The following UTS2B variants were observed in gnomAD, a reference collection of about 807,000 sequenced individuals.
The protein encoded by UTS2B is urotensin 2B, also known as urotensin-2B.
In UTS2B, 21 loss-of-function variants were observed where a neutral mutation model predicts 19.2. The observed-to-expected ratio is 1.09, with a 90% CI of 0.78 to 1.58. The LOEUF (loss-of-function observed/expected upper bound fraction) is 1.58. UTS2B is among the 40% of genes most tolerant of loss of function. The probability of loss-of-function intolerance (pLI) is 0.00; values close to 1 mark genes in which losing one functional copy is unlikely to be tolerated. For missense variants in UTS2B, 138 were observed against 130.3 expected (o/e 1.06, Z -0.29); for synonymous variants, 57 against 50.2 (o/e 1.14, Z -0.58).
chr3:191,315,173 C>T, intron 3 of UTS2B, among the ~76,000 whole-genome samples: 1 of 152,056 alleles, frequency 6.6e-6, no homozygotes, highest in Non-Finnish European at 1.5e-5. Context: ...CCACCATGCC[C>T]AGACAATTTT....
rs114855380 is a variant in UTS2B, at chr3:191,316,601, C to T, written c.-585-162G>A. ...GCTGATTGGTCCGTTTTACAAAGAG[C>T]GGATTGGTCCATTTTGACAGGGTAC... is the stretch of plus-strand genomic sequence containing the variant. On this transcript the variant is annotated intron_variant, in intron 2 of 8. Transcript: ENST00000340524. Among the ~76,000 whole-genome samples the T allele has an allele frequency of 5.9e-3, 897 of 152,312 alleles. 8 individuals are homozygous for T. Among genetic ancestry groups the T allele is most frequent in the African/African-American group, 0.02 (827 of 41,568 alleles).
intron 4 of UTS2B, among the ~76,000 whole-genome samples, chr3:191,284,137 A>G (rs1716466890): frequency 1.3e-5 from 2 of 152,168 alleles, no homozygotes; most frequent in African/African-American, 4.8e-5. Flanking sequence ...ACTGTATTAA[A>G]GACATATGCA....
intron 4 of UTS2B, among the ~76,000 whole-genome samples, chr3:191,303,625 G>A (rs886385093): frequency 2.0e-5 from 3 of 151,880 alleles, no homozygotes; most frequent in Admixed American, 2.0e-4. Flanking sequence ...CATTCAAGAA[G>A]TTGTGTTCCT....
intron 4 of UTS2B, among the ~76,000 whole-genome samples, chr3:191,298,696 G>A (rs1716919477): frequency 6.6e-6 from 1 of 152,198 alleles, no homozygotes; most frequent in Non-Finnish European, 1.5e-5. Context: ...ACCTGAAAAT[G>A]TGGAAGCAGC....
chr3:191,345,292 C>T, the UTS2B span, among the ~76,000 whole-genome samples: 6 of 152,180 alleles, frequency 3.9e-5, no homozygotes, highest in African/African-American at 1.4e-4. Flanking sequence ...ACACAGGAAG[C>T]TTATGAGGTT....
Position 191,311,421 on chromosome 3 carries a change from A to G in UTS2B, c.-182+4615T>C, listed in dbSNP as rs545563138. 2.6e-5 allele frequency among the ~76,000 whole-genome samples: 4 copies of G among 152,346 alleles called. No individual in the cohort carries two copies. The South Asian group carries it at 8.3e-4, about 32-fold the overall frequency. Reference sequence around the variant, plus strand: ...CCAAAGTGGCATTCAGAGCAGATTGATATCTCTTTCTCTCTCTCTCCACCT... The same window carrying G: ...CCAAAGTGGCATTCAGAGCAGATTGGTATCTCTTTCTCTCTCTCTCCACCT... On this transcript the variant is annotated intron_variant, in intron 3 of 8. Coordinates refer to ENST00000340524, the MANE Select transcript of UTS2B (RefSeq NM_198152.5).
At position 191,282,216 on chromosome 3, in the gene UTS2B, A is replaced by G. The variant is rs768758811; in HGVS notation, c.-27T>C. On this transcript the variant is annotated 5_prime_UTR_variant, in exon 5 of 9. Transcript: ENST00000340524. Reference sequence around the variant, plus strand: ...TTAAAAAAAACCTTCTGGACTAGCAAAGAAACAGACTTTCCAGGTCAAGAT... The same window carrying G: ...TTAAAAAAAACCTTCTGGACTAGCAGAGAAACAGACTTTCCAGGTCAAGAT... 1.3e-6 allele frequency: 2 copies of G among 1,548,106 alleles called. No individual in the cohort carries two copies. The highest frequency in any genetic ancestry group is 1.8e-6 in the Non-Finnish European group (2 of 1,129,248).
chr3:191,283,921 T>C (rs1033193517), intron 4 of UTS2B, among the ~76,000 whole-genome samples: 3 of 152,198 alleles, frequency 2.0e-5, no homozygotes, highest in Admixed American at 6.5e-5. Flanking sequence ...ATTAGCTTTC[T>C]AAGCTCTATT....
intron 2 of UTS2B, among the ~76,000 whole-genome samples, chr3:191,318,509 C>A (rs1457279115): frequency 6.6e-6 from 1 of 152,198 alleles, no homozygotes; most frequent in Admixed American, 6.5e-5. Flanking sequence ...CACTCTGTCA[C>A]CCAGGCTGGA....
intron 4 of UTS2B, among the ~76,000 whole-genome samples, chr3:191,297,868 A>G (rs1716897033): frequency 1.3e-5 from 2 of 152,264 alleles, no homozygotes; most frequent in South Asian, 2.1e-4. Flanking sequence ...ATGCACTTAA[A>G]TAAGTATTTA....
chr3:191,320,307 A>G (rs747796481), intron 2 of UTS2B, among the ~76,000 whole-genome samples: 3 of 152,242 alleles, frequency 2.0e-5, no homozygotes, highest in African/African-American at 7.2e-5. Context: ...AAGAGGGACC[A>G]GTTAAGTGAA....
At chr3:191,339,632 A>G in the UTS2B span, among the ~76,000 whole-genome samples, 1 of 152,180 alleles carries the variant, frequency 6.6e-6, no homozygotes. Context: ...GGTGATCTTC[A>G]AGAAGCTTTC....
intron 8 of UTS2B, among the ~76,000 whole-genome samples, chr3:191,272,738 G>A (rs1716124023): frequency 6.6e-6 from 1 of 151,870 alleles, no homozygotes; most frequent in South Asian, 2.1e-4. Flanking sequence ...GTGCGTGCCT[G>A]TTATCCTAGC....
At chr3:191,319,882 G>A (rs1323890576) in intron 2 of UTS2B, among the ~76,000 whole-genome samples, 8 of 145,272 alleles carry the variant, frequency 5.5e-5, no homozygotes, top group African/African-American at 1.5e-4. Flanking sequence ...AAAAAAAAAA[G>A]CCACTTTTTT....
At chr3:191,317,514 G>A (rs1036561307) in intron 2 of UTS2B, among the ~76,000 whole-genome samples, 15 of 152,256 alleles carry the variant, frequency 9.9e-5, no homozygotes, top group African/African-American at 1.4e-4. Flanking sequence ...CCGAGGAGGC[G>A]CTGAGAGCGA....
chr3:191,273,112 G>A (rs971721531), intron 8 of UTS2B, among the ~76,000 whole-genome samples: 3 of 152,192 alleles, frequency 2.0e-5, no homozygotes, highest in Non-Finnish European at 4.4e-5. Context: ...AGGTTGCAGT[G>A]AGCCGAGATC....
chr3:191,330,048 T>G (rs376630886), intron 1 of UTS2B, among the ~76,000 whole-genome samples: 1 of 151,876 alleles, frequency 6.6e-6, no homozygotes, highest in East Asian at 1.9e-4. Context: ...GAATCTGACT[T>G]ACTCCGCTTC....
At chr3:191,329,362 C>T (rs1717856012) in intron 1 of UTS2B, 4 of 327,276 alleles carry the variant, frequency 1.2e-5, no homozygotes, top group African/African-American at 2.2e-5. Flanking sequence ...TTTCTGTCTC[C>T]TCTCTCCCTC....
intron 3 of UTS2B, among the ~76,000 whole-genome samples, chr3:191,313,028 T>G (rs1453051298): frequency 6.6e-6 from 1 of 152,112 alleles, no homozygotes; most frequent in Non-Finnish European, 1.5e-5. Flanking sequence ...TTTTTTTTTT[T>G]TTTTGAGACG....
Sources: allele counts gnomAD v4.1 joint callset (sites outside exome capture counted in the v4.1 genomes callset), GRCh38; gene constraint gnomAD v4.1.1; transcripts MANE v1.5; gene names NCBI Gene and HGNC (gene_info 2026-07-23, HGNC 2026-07-21).